PCSK5: variants seen among roughly 807,000 people sequenced by gnomAD.
PCSK5 encodes prohormone convertase 5.
PCSK5 carries 129 observed loss-of-function variants against 233.2 expected under a neutral mutation model. The ratio of observed to expected loss-of-function variants is 0.55; its 90% confidence interval spans 0.48 to 0.64. The LOEUF is 0.64. Ranked by LOEUF, PCSK5 falls within the 30% of genes least tolerant of loss-of-function variation. PCSK5 has a pLI of 0.00. For synonymous variants in PCSK5, 825 were observed against 879.2 expected, an observed-to-expected ratio of 0.94 and a Z score of 1.09; for missense variants, 2,076 against 2,430.1, an observed-to-expected ratio of 0.85 and a Z score of 3.06.
intron 20 of PCSK5, chr9:76,194,919 A>G (rs1824614767): frequency 4.7e-6 from 1 of 213,554 alleles, no homozygotes; most frequent in Non-Finnish European, 1.0e-5. Flanking sequence ...AACATGGACT[A>G]TCCTGGGAAA....
At chr9:76,238,423 A>G (rs1826317901) in intron 22 of PCSK5, among the ~76,000 whole-genome samples, 1 of 152,238 alleles carries the variant, frequency 6.6e-6, no homozygotes, top group Non-Finnish European at 1.5e-5. Context: ...TAGTGCTTCA[A>G]TAAGCTTGTC....
chr9:76,246,525 A>G (rs1439683291), intron 24 of PCSK5, among the ~76,000 whole-genome samples: 1 of 152,094 alleles, frequency 6.6e-6, no homozygotes, highest in African/African-American at 2.4e-5. Flanking sequence ...TTGGCAGTAT[A>G]ACACAACTCC....
chr9:76,260,724 A>G (rs1282268544), intron 24 of PCSK5, among the ~76,000 whole-genome samples: 1 of 152,170 alleles, frequency 6.6e-6, no homozygotes, highest in Non-Finnish European at 1.5e-5. Context: ...CTTTTAGCCC[A>G]TTGAGATCTC....
intron 2 of PCSK5, 89 bp downstream of exon 2, chr9:75,932,572 G>A: frequency 1.3e-6 from 1 of 779,150 alleles, no homozygotes; most frequent in Admixed American, 2.0e-5. Flanking sequence ...GGACCAGCAT[G>A]AAGGCTCAGA....
At chr9:76,294,161 C>T (rs188843023) in intron 25 of PCSK5, among the ~76,000 whole-genome samples, 6 of 149,554 alleles carry the variant, frequency 4.0e-5, no homozygotes, top group Admixed American at 2.7e-4. Flanking sequence ...CATGCCATTG[C>T]ACTCCAGCCT....
At chr9:76,000,080 A>C (rs1031269925) in intron 3 of PCSK5, among the ~76,000 whole-genome samples, 8 of 152,198 alleles carry the variant, frequency 5.3e-5, no homozygotes, top group Non-Finnish European at 1.0e-4. Context: ...TACAAGAAAC[A>C]AACAAACAAC....
intron 20 of PCSK5, among the ~76,000 whole-genome samples, chr9:76,192,618 CTTCTTCTTGTGTTGAATTT>C (rs1824455740): frequency 2.4e-5 from 2 of 84,244 alleles, no homozygotes; most frequent in South Asian, 4.6e-4. Flanking sequence ...GAATTTAATT[CTTCTTCTTGTGTTGAATTT>C]AATTGCCGTT....
intron 1 of PCSK5, among the ~76,000 whole-genome samples, chr9:75,914,521 G>A (rs1444992377): frequency 1.3e-5 from 2 of 151,990 alleles, no homozygotes; most frequent in Non-Finnish European, 2.9e-5. Context: ...TGACCATTGG[G>A]TTTTAGAGTT....
intron 22 of PCSK5, among the ~76,000 whole-genome samples, chr9:76,237,109 A>G (rs147623321): frequency 6.6e-6 from 1 of 152,300 alleles, no homozygotes; most frequent in African/African-American, 2.4e-5. Context: ...TGAATGAGTC[A>G]TGGTGGATGG....
intron 5 of PCSK5, among the ~76,000 whole-genome samples, chr9:76,044,368 A>G (rs1483190528): frequency 6.6e-6 from 1 of 152,236 alleles, no homozygotes; most frequent in Non-Finnish European, 1.5e-5. Context: ...AAATGTGATG[A>G]TATTTTTGAA....
At chr9:75,946,544 T>C (rs1236505229) in intron 2 of PCSK5, among the ~76,000 whole-genome samples, 1 of 152,142 alleles carries the variant, frequency 6.6e-6, no homozygotes, top group East Asian at 1.9e-4. Flanking sequence ...TTCTCTGTTT[T>C]AGTTTCTTTC....
At chr9:76,331,830 G>C (rs1829545343) in intron 33 of PCSK5, among the ~76,000 whole-genome samples, 1 of 152,112 alleles carries the variant, frequency 6.6e-6, no homozygotes, top group Non-Finnish European at 1.5e-5. Flanking sequence ...AGTGGAAAAG[G>C]AAAGGAAACA....
At chr9:76,010,839 G>C (rs1202058902) in intron 3 of PCSK5, among the ~76,000 whole-genome samples, 1 of 152,168 alleles carries the variant, frequency 6.6e-6, no homozygotes, top group Non-Finnish European at 1.5e-5. Context: ...CCCTAGTGTT[G>C]AATTTAATTG....
At chr9:76,187,341 A>T (rs1824152735) in intron 17 of PCSK5, among the ~76,000 whole-genome samples, 1 of 152,046 alleles carries the variant, frequency 6.6e-6, no homozygotes, top group South Asian at 2.1e-4. Flanking sequence ...CTAGTTATTC[A>T]GTGAATAATA....
At chr9:76,206,872 ATATT>A (rs59284285) in intron 20 of PCSK5, among the ~76,000 whole-genome samples, 9,440 of 152,202 alleles carry the variant, frequency 0.062, 562 homozygotes, top group African/African-American at 0.15. Context: ...AAAACAATAC[ATATT>A]TATTCCCTCA....
intron 1 of PCSK5, among the ~76,000 whole-genome samples, chr9:75,905,747 T>A (rs1226021185): frequency 6.6e-6 from 1 of 152,108 alleles, no homozygotes; most frequent in Non-Finnish European, 1.5e-5. Flanking sequence ...CGAACCCTGT[T>A]GTGAACTGTG....
intron 32 of PCSK5, 53 bp from the exon 33 acceptor site, chr9:76,327,956 G>A (rs1357495974): frequency 1.5e-5 from 17 of 1,158,402 alleles, no homozygotes; most frequent in East Asian, 1.2e-4. Context: ...CCATTCCCAC[G>A]AGGGCCACCC....
At chr9:76,197,912 C>T (rs1056836020) in intron 20 of PCSK5, among the ~76,000 whole-genome samples, 12 of 152,206 alleles carry the variant, frequency 7.9e-5, no homozygotes, top group African/African-American at 2.9e-4. Context: ...ACTTTAGAGC[C>T]TTTGACATAT....
intron 8 of PCSK5, among the ~76,000 whole-genome samples, chr9:76,098,842 C>T (rs1327381487): frequency 6.6e-6 from 1 of 152,160 alleles, no homozygotes; most frequent in African/African-American, 2.4e-5. Flanking sequence ...CTAAACTTAA[C>T]CTTCCTGGGG....
Sources: gnomAD v4.1 joint callset for allele counts (sites outside exome capture counted in the v4.1 genomes callset) on GRCh38, gnomAD v4.1.1 for gene constraint, MANE v1.5 for transcripts, NCBI Gene and HGNC (gene_info 2026-07-23, HGNC 2026-07-21) for gene names.